The following ANKRD10 variants were observed in gnomAD, a reference collection of about 807,000 sequenced individuals.
ANKRD10 encodes ankyrin repeat domain 10, also known as ankyrin repeat domain-containing protein 10.
Under a neutral mutation model 27.0 loss-of-function variants are expected in ANKRD10, and 14 were observed. The ratio of observed to expected loss-of-function variants is 0.52; its 90% confidence interval spans 0.34 to 0.81. ANKRD10 has a LOEUF of 0.81. Among genes scored for constraint, ANKRD10 ranks in the 40% least tolerant of loss-of-function variants. ANKRD10 has a pLI of 0.01. For synonymous variants in ANKRD10, 250 were observed against 224.5 expected, an observed-to-expected ratio of 1.11 and a Z score of -1.01; for missense variants, 493 against 544.0, an observed-to-expected ratio of 0.91 and a Z score of 0.93.
chr13:110,913,271 C>A (rs1485097780), intron 1 of ANKRD10, among the ~76,000 whole-genome samples: 3 of 152,194 alleles, frequency 2.0e-5, no homozygotes, highest in Non-Finnish European at 4.4e-5. Flanking sequence ...TAAAAATAAA[C>A]CACAGCAAGA....
At chr13:110,902,170 G>A (rs1594610374) in intron 3 of ANKRD10, among the ~76,000 whole-genome samples, 2 of 151,474 alleles carry the variant, frequency 1.3e-5, no homozygotes, top group African/African-American at 4.8e-5. Flanking sequence ...TTTTGTAACT[G>A]AAATATTATT....
intron 5 of ANKRD10, among the ~76,000 whole-genome samples, chr13:110,881,352 T>G (rs945211115): frequency 3.0e-4 from 46 of 152,152 alleles, no homozygotes; most frequent in African/African-American, 1.1e-3. Context: ...CCATCTCACC[T>G]CCTGTAAACC....
intron 3 of ANKRD10, 44 bp downstream of exon 3, chr13:110,905,989 T>A: frequency 6.6e-7 from 1 of 1,516,918 alleles, no homozygotes. Flanking sequence ...CAAAACATCC[T>A]CAACTACATC....
chr13:110,880,850 A>G (rs1024451665), intron 5 of ANKRD10, among the ~76,000 whole-genome samples: 5 of 152,254 alleles, frequency 3.3e-5, no homozygotes, highest in African/African-American at 1.2e-4. Context: ...TCAGGCATGC[A>G]GGCCTGGGCC....
intron 1 of ANKRD10, 81 bp from the exon 2 acceptor site, chr13:110,910,851 T>C: frequency 7.2e-7 from 1 of 1,381,484 alleles, no homozygotes; most frequent in Non-Finnish European, 9.7e-7. Flanking sequence ...CGAAATTCTA[T>C]AATGGTGACA....
chr13:110,889,894 C>T (rs1222448287), intron 4 of ANKRD10, among the ~76,000 whole-genome samples: 3 of 152,138 alleles, frequency 2.0e-5, no homozygotes, highest in Non-Finnish European at 2.9e-5. Flanking sequence ...ATACAAGTTA[C>T]GCAGCCAAGA....
At chr13:110,906,533 T>C (rs952199748) in intron 2 of ANKRD10, among the ~76,000 whole-genome samples, 1 of 152,088 alleles carries the variant, frequency 6.6e-6, no homozygotes, top group Non-Finnish European at 1.5e-5. Flanking sequence ...AGCTGACATA[T>C]GGTCTCAGCT....
chr13:110,898,947 G>T (rs1206431268), intron 3 of ANKRD10: 1 of 152,048 alleles, frequency 6.6e-6, no homozygotes, highest in East Asian at 1.9e-4. Flanking sequence ...AGTAGAGACG[G>T]GGTTTCACCA....
intron 5 of ANKRD10, among the ~76,000 whole-genome samples, chr13:110,880,470 C>T (rs1039804556): frequency 1.3e-5 from 2 of 152,130 alleles, no homozygotes; most frequent in African/African-American, 2.4e-5. Context: ...TTTAAAAAAT[C>T]GCCCCTGAAA....
Position 110,894,427 on chromosome 13 carries a change from A to AC in ANKRD10, c.456-1165dup, listed in dbSNP as rs71206950. 8 of 252,274 alleles carry AC rather than the reference A, an allele frequency of 3.2e-5. No individual in the cohort carries two copies. The South Asian group carries it at 4.3e-4, about 13-fold the overall frequency. 15.6% of individuals were successfully genotyped at this position (252,274 alleles called of 1,614,324 possible). A position where few individuals can be genotyped will look rare whatever the true frequency, so the allele number is the denominator to read the frequency against. On this transcript the variant is annotated intron_variant, in intron 3 of 5. Transcript: ENST00000267339. ...GCAAAAAAAAAAAAAAAAAAAAAAA[A>AC]CCCCGCATTTGAGAGTGAAAACTAC... is the stretch of plus-strand genomic sequence containing the variant.
Position 110,914,826 on chromosome 13 carries a change from TG to T in ANKRD10, c.108del (p.Thr37ArgfsTer38). On this transcript the variant is annotated frameshift_variant, in exon 1 of 6. Transcript: ENST00000267339. LOFTEE classifies it high-confidence loss of function. ...LHRACRDGDL[A>X]TLCSLLQQTP... Reference sequence around the variant, plus strand: ...GTCTGCTGCAGCAGCGAGCAGAGCGTGGCCAGGTCCCCGTCGCGGCAGGCGC... The same window carrying T: ...GTCTGCTGCAGCAGCGAGCAGAGCGTGCCAGGTCCCCGTCGCGGCAGGCGC... 1 of 1,586,602 alleles carries T rather than the reference TG, an allele frequency of 6.3e-7. No individual in the cohort carries two copies. Among genetic ancestry groups the T allele is most frequent in the Non-Finnish European group, 8.6e-7 (1 of 1,167,414 alleles).
At chr13:110,897,003 A>G (rs2065243345) in intron 3 of ANKRD10, among the ~76,000 whole-genome samples, 1 of 152,164 alleles carries the variant, frequency 6.6e-6, no homozygotes, top group Non-Finnish European at 1.5e-5. Context: ...AAACCAGCAT[A>G]ATTGCATATG....
intron 2 of ANKRD10, among the ~76,000 whole-genome samples, chr13:110,910,050 CGTGTGTGT>C (rs1245025386): frequency 6.6e-6 from 1 of 152,132 alleles, no homozygotes; most frequent in Non-Finnish European, 1.5e-5. Context: ...AATCTGAATG[CGTGTGTGT>C]TTGGTTTAGG....
chr13:110,893,212 A>T lies in ANKRD10; in HGVS notation c.507T>A (p.Gly169=). 1 of 1,614,086 alleles carries T rather than the reference A, an allele frequency of 6.2e-7. No homozygotes were observed. The highest frequency in any genetic ancestry group is 8.5e-7 in the Non-Finnish European group (1 of 1,180,010). The change falls in exon 4 of 6, where the codon GGT becomes GGA. Residue 169 remains glycine (G), a synonymous_variant. Coordinates refer to ENST00000267339, the MANE Select transcript of ANKRD10 (RefSeq NM_017664.4). ...AGAGAAACTGGGCACACTCTTGGAAACCCTGGGTTTGTGCAATGTCTGCTG... is the reference window on the plus strand; with the variant it reads ...AGAGAAACTGGGCACACTCTTGGAATCCCTGGGTTTGTGCAATGTCTGCTG... ...LTAADIAQTQ[G]FQECAQFLLN...
Position 110,880,042 on chromosome 13 carries a change from G to T in ANKRD10, c.858C>A (p.Phe286Leu). 1 of 1,614,186 alleles carries T rather than the reference G, an allele frequency of 6.2e-7. No individual in the cohort carries two copies. Among genetic ancestry groups the T allele is most frequent in the Non-Finnish European group, 8.5e-7 (1 of 1,180,030 alleles). ...TCCCACTGAGCGGGGTCGTGGAGGG[G>T]AAGTCCAAATGTCCATTGATGACAC... ...NGCVINGHLD[F>L]PSTTPLSGME... The change falls in exon 6 of 6, where the codon TTC becomes TTA. Residue 286 changes from phenylalanine (F) to leucine (L), a missense_variant. By Grantham distance (22) the Phe-to-Leu change is conservative (BLOSUM62 0). Coordinates refer to ENST00000267339, the MANE Select transcript of ANKRD10 (RefSeq NM_017664.4).
chr13:110,895,381 G>C (rs1394755305), intron 3 of ANKRD10: 1 of 152,244 alleles, frequency 6.6e-6, no homozygotes, highest in Non-Finnish European at 1.5e-5. Flanking sequence ...CAGGAGCTTT[G>C]AGACCAGCTT....
chr13:110,882,020 A>T (rs2064829363), intron 5 of ANKRD10, among the ~76,000 whole-genome samples: 2 of 152,114 alleles, frequency 1.3e-5, no homozygotes, highest in Non-Finnish European at 2.9e-5. Flanking sequence ...TCCCACGAAC[A>T]TCCAAACACA....
chr13:110,902,037 T>C lies in ANKRD10; in HGVS notation c.455+3996A>G, dbSNP rs535658274. ...TAGCCTGGACGACAAAGGGAGACTCTGTCTCTTTTTAGAAAAAAAAAAAAA... is the reference window on the plus strand; with the variant it reads ...TAGCCTGGACGACAAAGGGAGACTCCGTCTCTTTTTAGAAAAAAAAAAAAA... On this transcript the variant is annotated intron_variant, in intron 3 of 5. Coordinates refer to ENST00000267339, the MANE Select transcript of ANKRD10 (RefSeq NM_017664.4). Among the ~76,000 whole-genome samples the C allele has an allele frequency of 1.7e-4, 20 of 120,144 alleles. No individual in the cohort carries two copies. In the East Asian group the frequency reaches 4.4e-3, roughly 26 times the overall value. The allele number at this position is 120,144 out of a possible 152,430, so 78.8% of individuals were successfully genotyped here.
chr13:110,890,266 T>C (rs1385440888), intron 4 of ANKRD10, among the ~76,000 whole-genome samples: 4 of 152,156 alleles, frequency 2.6e-5, no homozygotes, highest in African/African-American at 9.7e-5. Context: ...ATGTAGAACA[T>C]TCAGGTAATT....
Sources: gnomAD v4.1 joint callset for allele counts (sites outside exome capture counted in the v4.1 genomes callset) on GRCh38, gnomAD v4.1.1 for gene constraint, MANE v1.5 for transcripts, NCBI Gene and HGNC (gene_info 2026-07-23, HGNC 2026-07-21) for gene names.